Variants in CUX1 observed in about 807,000 individuals in gnomAD.
CUX1 encodes the protein protein CASP.
A neutral mutation model predicts 158.8 loss-of-function variants in CUX1; 31 were observed. The ratio of observed to expected loss-of-function variants is 0.20; its 90% CI spans 0.15 to 0.26. The LOEUF is 0.26. Among genes scored for constraint, CUX1 ranks in the 10% least tolerant of loss-of-function variants. CUX1 has a pLI of 1.00. For missense variants in CUX1, 1,589 were observed against 2,014.6 expected (o/e 0.79, Z 4.04); for synonymous variants, 879 against 862.1 (o/e 1.02, Z -0.34).
chr7:101,825,192 C>T (rs1014014608), intron 1 of CUX1, among the ~76,000 whole-genome samples: 3 of 152,224 alleles, frequency 2.0e-5, no homozygotes, highest in Non-Finnish European at 2.9e-5. Flanking sequence ...CAAATCCCAT[C>T]TTCCCTTCCT....
At chr7:101,886,524 T>C (rs1584883012) in intron 1 of CUX1, among the ~76,000 whole-genome samples, 1 of 152,136 alleles carries the variant, frequency 6.6e-6, no homozygotes, top group East Asian at 1.9e-4. Context: ...TTGTGGACTT[T>C]TCTTTGTTGA....
At chr7:102,035,727 A>G (rs1252078322) in intron 3 of CUX1, among the ~76,000 whole-genome samples, 1 of 151,688 alleles carries the variant, frequency 6.6e-6, no homozygotes, top group Non-Finnish European at 1.5e-5. Context: ...GAAAGATGTA[A>G]CATTTATATT....
At chr7:102,022,311 G>A (rs2129321977) in intron 2 of CUX1, among the ~76,000 whole-genome samples, 1 of 152,228 alleles carries the variant, frequency 6.6e-6, no homozygotes, top group Non-Finnish European at 1.5e-5. Context: ...TTGTGAATCA[G>A]CAGTTTCGAG....
intron 21 of CUX1, among the ~76,000 whole-genome samples, chr7:102,282,089 G>A (rs550827448): frequency 4.6e-5 from 7 of 152,258 alleles, no homozygotes; most frequent in East Asian, 1.9e-4. Context: ...CCCCAGGGAC[G>A]AGAAGGACCC....
chr7:102,156,898 G>T (rs183852091), intron 8 of CUX1, among the ~76,000 whole-genome samples: 1 of 152,314 alleles, frequency 6.6e-6, no homozygotes, highest in East Asian at 1.9e-4. Flanking sequence ...CTCACAGCGT[G>T]GGCACCCAGT....
At chr7:102,105,529 T>TA (rs1554488181) in intron 6 of CUX1, among the ~76,000 whole-genome samples, 15 of 148,016 alleles carry the variant, frequency 1.0e-4, no homozygotes, top group African/African-American at 2.3e-4. Flanking sequence ...TTTTTTTTTT[T>TA]AAGACAGAGT....
At chr7:102,233,958 C>T in intron 21 of CUX1, 94 bp from the exon 22 acceptor site, 1 of 1,046,574 alleles carries the variant, frequency 9.6e-7, no homozygotes, top group South Asian at 2.3e-5. Context: ...AGCCTTTAAA[C>T]TCCTGTGTCT....
rs78359248 is a variant in CUX1 at position 102,201,025 on chromosome 7, TAAAAAAA to T, written c.2063-312_2063-306del. Among the ~76,000 whole-genome samples the T allele has an allele frequency of 8.4e-3, 352 of 42,138 alleles. 4 individuals carry two copies. The highest frequency in any genetic ancestry group is 0.028 in the African/African-American group (273 of 9,698). 27.6% of individuals were successfully genotyped at this position (42,138 alleles called of 152,430 possible). On this transcript the variant is annotated intron_variant, in intron 17 of 23. Transcript: ENST00000292535. This position sits in a 1 kb window ranked among gnomAD's most constrained non-coding sequence, Gnocchi z 5.0. ...CTGGACAACAGCGAGATCCTGTCGC[TAAAAAAA>T]AAAAAAAAAAAAAAAAAAAAAATTC...
At chr7:101,908,616 C>T (rs1803035588) in intron 1 of CUX1, among the ~76,000 whole-genome samples, 1 of 152,132 alleles carries the variant, frequency 6.6e-6, no homozygotes, top group African/African-American at 2.4e-5. Context: ...GCCTCAATTT[C>T]TCCCTTTTCT....
At position 102,201,908 on chromosome 7, in the gene CUX1, C is replaced by A; in HGVS notation, c.2611C>A (p.Gln871Lys). 1.2e-6 allele frequency: 2 copies of A among 1,614,004 alleles called. No homozygotes were observed. Among genetic ancestry groups the A allele is most frequent in the Non-Finnish European group, 1.7e-6 (2 of 1,180,016 alleles). Residue 871 changes from glutamine to lysine, a missense_variant, in exon 18 of 24, where the codon CAG becomes AAG. Physicochemically the swap from Gln to Lys is moderately conservative, Grantham distance 53 (BLOSUM62 1). This residue lies in a region of CUX1 where 337 missense variants were observed against 409.3 expected (regional missense o/e 0.82). Coordinates refer to ENST00000292535, the MANE Select transcript of CUX1 (RefSeq NM_181552.4). This position sits in a 1 kb window ranked among gnomAD's most constrained non-coding sequence, Gnocchi z 5.0. Reference protein sequence around the residue: ...SQPRAERSQLQGPSSSEYWKE... With the variant: ...SQPRAERSQLKGPSSSEYWKE... ...GCCTCGGGCCGAGCGCAGTCAGCTC[C>A]AGGGACCCTCGTCGTCAGAGTACTG...
At chr7:102,212,181 G>A (rs1796603231) in intron 20 of CUX1, among the ~76,000 whole-genome samples, 1 of 152,234 alleles carries the variant, frequency 6.6e-6, no homozygotes, top group South Asian at 2.1e-4. Flanking sequence ...AGGGTCTTTT[G>A]TTCCTAGGAC....
At chr7:102,234,791 T>C (rs1396937470) in intron 22 of CUX1, among the ~76,000 whole-genome samples, 1 of 150,800 alleles carries the variant, frequency 6.6e-6, no homozygotes, top group Non-Finnish European at 1.5e-5. Flanking sequence ...ATAGCCAAGC[T>C]TGGTGGCGTG....
At chr7:102,030,727 C>T (rs933229786) in intron 3 of CUX1, among the ~76,000 whole-genome samples, 1 of 48,416 alleles carries the variant, frequency 2.1e-5, no homozygotes. Context: ...GCTCGGTAAC[C>T]CAGGCTGCAG....
Position 102,168,918 on chromosome 7 carries a change from C to CTTT in CUX1, c.724-1526_724-1524dup, listed in dbSNP as rs1239519322. ...CTTTTCTTTTCTTTTCTTTTATTTT[C>CTTT]TTTTCTTTTCTTTTATTTTCTTTTT... On this transcript the variant is annotated intron_variant, in intron 9 of 23. Transcript: ENST00000292535. Among the ~76,000 whole-genome samples, 116 of 84,110 alleles carry CTTT rather than the reference C, an allele frequency of 1.4e-3. 9 individuals carry two copies. The highest frequency in any genetic ancestry group is 2.7e-3 in the African/African-American group (39 of 14,478). The allele number at this position is 84,110 out of a possible 152,430, so 55.2% of individuals were successfully genotyped here. A position where few individuals can be genotyped will look rare whatever the true frequency, so the allele number is the denominator to read the frequency against.
chr7:101,997,741 C>A (rs145806367), intron 2 of CUX1, among the ~76,000 whole-genome samples: 1 of 152,134 alleles, frequency 6.6e-6, no homozygotes, highest in Non-Finnish European at 1.5e-5. Context: ...GATGGCAGAG[C>A]GCAGCTGTGT....
At chr7:102,280,436 G>A (rs550517250) in intron 19 of CUX1, among the ~76,000 whole-genome samples, 45 of 152,332 alleles carry the variant, frequency 3.0e-4, no homozygotes, top group African/African-American at 1.0e-3. Flanking sequence ...TGCATTTGCG[G>A]GACAGGCAGA....
Position 102,195,569 on chromosome 7 carries a change from C to T in CUX1, c.1188C>T (p.Asn396=), listed in dbSNP as rs782414970. Reference sequence around the variant, plus strand: ...AGAACCGCTCGCTGCAGTCCGAGAACGCCGCGCTGCGCATCTCCAACAGCG... The same window carrying T: ...AGAACCGCTCGCTGCAGTCCGAGAATGCCGCGCTGCGCATCTCCAACAGCG... The part of the protein sequence containing the change: ...LEKNRSLQSE[N]AALRISNSDL... Residue 396 remains asparagine, a synonymous_variant, in exon 14 of 24, where the codon AAC becomes AAT. Transcript: ENST00000292535. 131 of 1,611,954 alleles carry T rather than the reference C, an allele frequency of 8.1e-5. No homozygotes were observed. Among genetic ancestry groups the T allele is most frequent in the Non-Finnish European group, 8.5e-7 (1 of 1,179,626 alleles).
intron 1 of CUX1, among the ~76,000 whole-genome samples, chr7:101,855,771 G>C (rs1194293216): frequency 1.3e-5 from 2 of 151,940 alleles, no homozygotes; most frequent in Admixed American, 1.3e-4. Flanking sequence ...CCAGCTACTC[G>C]GGAGGCTGAG....
intron 1 of CUX1, among the ~76,000 whole-genome samples, chr7:101,848,184 G>A (rs1165287354): frequency 6.6e-6 from 1 of 152,064 alleles, no homozygotes; most frequent in Non-Finnish European, 1.5e-5. Context: ...GTCACTGGGT[G>A]TGTATTGACG....
Sources: gnomAD v4.1 joint callset for allele counts (sites outside exome capture counted in the v4.1 genomes callset) on GRCh38, gnomAD v4.1.1 for gene constraint, gnomAD v4.1.1 regional missense constraint, Gnocchi (gnomAD v3.1) non-coding constraint, MANE v1.5 for transcripts, NCBI Gene and HGNC (gene_info 2026-07-23, HGNC 2026-07-21) for gene names.